Variants in TDRD12 observed in about 807,000 individuals in gnomAD.
TDRD12 encodes putative ATP-dependent RNA helicase TDRD12.
A neutral mutation model predicts 133.5 loss-of-function variants in TDRD12; 158 were observed. The observed-to-expected ratio is 1.18, with a 90% CI of 1.04 to 1.35. The LOEUF is 1.35. Ranked by LOEUF, TDRD12 falls within the 40% of genes most tolerant of loss-of-function variation. The pLI is 0.00. For missense variants in TDRD12, 1,443 were observed against 1,321.3 expected, an observed-to-expected ratio of 1.09 and a Z score of -1.43; for synonymous variants, 460 against 477.9, an observed-to-expected ratio of 0.96 and a Z score of 0.49.
intron 1 of TDRD12, among the ~76,000 whole-genome samples, chr19:32,720,997 C>T (rs1486838063): frequency 6.6e-6 from 1 of 151,930 alleles, no homozygotes; most frequent in Non-Finnish European, 1.5e-5. Context: ...TCCCCAGGGC[C>T]CCGCTCTCCG....
intron 14 of TDRD12, among the ~76,000 whole-genome samples, chr19:32,797,042 T>G (rs963916291): frequency 6.7e-6 from 1 of 150,068 alleles, no homozygotes; most frequent in Non-Finnish European, 1.5e-5. Context: ...GTGCAGTGGC[T>G]CCATCTCGGC....
chr19:32,756,834 A>G (rs967229310), intron 7 of TDRD12, among the ~76,000 whole-genome samples: 1 of 152,248 alleles, frequency 6.6e-6, no homozygotes, highest in Non-Finnish European at 1.5e-5. Flanking sequence ...GCATAAAAAT[A>G]TAAGAGCTAG....
At chr19:32,796,827 G>A (rs963949305) in intron 14 of TDRD12, among the ~76,000 whole-genome samples, 8 of 152,070 alleles carry the variant, frequency 5.3e-5, no homozygotes, top group African/African-American at 1.7e-4. Flanking sequence ...TGGAAGCTGG[G>A]CCCACCTGGA....
intron 2 of TDRD12, among the ~76,000 whole-genome samples, chr19:32,736,692 A>T (rs555018192): frequency 1.3e-5 from 2 of 152,300 alleles, no homozygotes; most frequent in Admixed American, 1.3e-4. Context: ...ATTCCCAAGG[A>T]CAGCAATCTC....
Position 32,794,617 on chromosome 19 carries a change from C to G in TDRD12, c.1288-11C>G, listed in dbSNP as rs1157082781. 1 of 698,790 alleles carries G rather than the reference C, an allele frequency of 1.4e-6. No homozygotes were observed. The highest frequency in any genetic ancestry group is 1.8e-5 in the African/African-American group (1 of 56,982). The allele number at this position is 698,790 out of a possible 1,614,324, so 43.3% of individuals were successfully genotyped here. On this transcript the variant is annotated splice_polypyrimidine_tract_variant and intron_variant, in intron 13 of 27. Coordinates refer to ENST00000444215, the Ensembl canonical transcript of TDRD12. ...ACCTTATTTTGGTTTCTGGTTGTTT[C>G]TGTTTTGTAGGCTCTTCAAAGAAAT... is the stretch of plus-strand genomic sequence containing the variant.
chr19:32,763,654 A>G (rs1970213336), intron 8 of TDRD12, among the ~76,000 whole-genome samples: 1 of 152,124 alleles, frequency 6.6e-6, no homozygotes, highest in Non-Finnish European at 1.5e-5. Context: ...TGTGGTATTC[A>G]CTGTGAGAAC....
chr19:32,751,393 G>A lies in TDRD12; in HGVS notation c.582+1524G>A, dbSNP rs374102161. Among the ~76,000 whole-genome samples, 30 of 152,238 alleles carry A rather than the reference G, an allele frequency of 2.0e-4. No individual in the cohort carries two copies. The South Asian group carries it at 6.2e-3, about 32-fold the overall frequency. ...GTGTTTGCCAGGTTTTTCCTGTACA[G>A]AGATGTTAGTTTTTCCTTCTGAAAT... On this transcript the variant is annotated intron_variant, in intron 6 of 27. Coordinates refer to ENST00000444215, the Ensembl canonical transcript of TDRD12.
chr19:32,815,370 G>A (rs969777794), intron 25 of TDRD12, 78 bp from the exon 26 acceptor site: 50 of 1,222,606 alleles, frequency 4.1e-5, no homozygotes, highest in Non-Finnish European at 5.6e-5. Context: ...GAACCAGAGA[G>A]GCCCTGTGGG....
intron 2 of TDRD12, among the ~76,000 whole-genome samples, chr19:32,733,418 C>T (rs933287527): frequency 3.3e-5 from 5 of 150,350 alleles, no homozygotes; most frequent in Admixed American, 3.3e-4. Context: ...TTCAGTGAGC[C>T]GAGATCACGC....
intron 6 of TDRD12, among the ~76,000 whole-genome samples, chr19:32,753,483 G>A (rs1259798341): frequency 6.0e-5 from 9 of 151,250 alleles, no homozygotes; most frequent in Non-Finnish European, 1.0e-4. Flanking sequence ...GACTATAAGC[G>A]CATACCACCA....
exon 25 of TDRD12, chr19:32,813,757 C>A: frequency 6.5e-7 from 1 of 1,532,826 alleles, no homozygotes. Flanking sequence ...TTGGGAAATA[C>A]AGTTTGGATT....
chr19:32,789,692 CT>C (rs1305132771), intron 11 of TDRD12, among the ~76,000 whole-genome samples: 1 of 152,186 alleles, frequency 6.6e-6, no homozygotes, highest in East Asian at 1.9e-4. Flanking sequence ...GATCTTGTGG[CT>C]TTTGCATTTG....
chr19:32,794,237 C>T (rs1971157071), intron 13 of TDRD12, among the ~76,000 whole-genome samples: 1 of 150,744 alleles, frequency 6.6e-6, no homozygotes, highest in Non-Finnish European at 1.5e-5. Context: ...TCCAGAGTAG[C>T]TGGGATTATA....
intron 4 of TDRD12, among the ~76,000 whole-genome samples, chr19:32,745,438 C>G (rs894616322): frequency 6.6e-6 from 1 of 152,206 alleles, no homozygotes; most frequent in Non-Finnish European, 1.5e-5. Flanking sequence ...TTGTCAAATT[C>G]CCCTTCAAAA....
intron 3 of TDRD12, among the ~76,000 whole-genome samples, chr19:32,739,428 G>A (rs921886324): frequency 1.3e-5 from 2 of 148,490 alleles, no homozygotes; most frequent in Non-Finnish European, 3.0e-5. Flanking sequence ...CTATCACCTG[G>A]CTACTTTCTG....
At chr19:32,748,208 A>G (rs988959815) in intron 4 of TDRD12, among the ~76,000 whole-genome samples, 1 of 152,036 alleles carries the variant, frequency 6.6e-6, no homozygotes, top group African/African-American at 2.4e-5. Flanking sequence ...GGTGTGACAG[A>G]CAGTGCAGTG....
chr19:32,734,374 C>CT lies in TDRD12; in HGVS notation c.183+2503dup, dbSNP rs916037388. Among the ~76,000 whole-genome samples, 578 of 143,098 alleles carry CT rather than the reference C, an allele frequency of 4.0e-3. 1 individual carries two copies. Among genetic ancestry groups the CT allele is most frequent in the Non-Finnish European group, 4.9e-3 (317 of 64,894 alleles). 93.9% of individuals were successfully genotyped at this position (143,098 alleles called of 152,430 possible). ...CCTCCTCCTCCTTTTCTTTTCTTTT[C>CT]TTTTTTTTTTTTGAAGATGGGGGTC... On this transcript the variant is annotated intron_variant, in intron 2 of 27. Transcript: ENST00000444215.
chr19:32,820,390 A>G lies in TDRD12; in HGVS notation c.3384-643A>G, dbSNP rs556185876. 2.5e-4 allele frequency among the ~76,000 whole-genome samples: 38 copies of G among 152,278 alleles called. 1 individual carries two copies. In the South Asian group the frequency reaches 6.0e-3, roughly 24 times the overall value. On this transcript the variant is annotated intron_variant, in intron 27 of 27. Coordinates refer to ENST00000444215, the Ensembl canonical transcript of TDRD12. ...GGAGCAGGGGTGAGAGGAGCTTTTC[A>G]GTGTACAGCCAAATTTGACTTCTTT...
Position 32,798,308 on chromosome 19 carries a change from GT to G in TDRD12, c.1632del (p.Cys544TrpfsTer3), listed in dbSNP as rs1484425101. 1.3e-6 allele frequency: 2 copies of G among 1,522,620 alleles called. No homozygotes were observed. The highest frequency in any genetic ancestry group is 2.8e-5 in the African/African-American group (2 of 72,660). 94.3% of individuals were successfully genotyped at this position (1,522,620 alleles called of 1,614,324 possible). A position where few individuals can be genotyped will look rare whatever the true frequency, so the allele number is the denominator to read the frequency against. On this transcript the variant is annotated frameshift_variant and splice_region_variant, in exon 16 of 28. Transcript: ENST00000444215. LOFTEE classifies it high-confidence loss of function. Reference sequence around the variant, plus strand: ...TGTTCACTTTTTTTTTTAAATGCAGGTGATGTGATTGTTACGACCCCATACA... The same window carrying G: ...TGTTCACTTTTTTTTTTAAATGCAGGGATGTGATTGTTACGACCCCATACA...
Sources: allele counts gnomAD v4.1 joint callset (sites outside exome capture counted in the v4.1 genomes callset), GRCh38; gene constraint gnomAD v4.1.1; transcripts MANE v1.5; gene names NCBI Gene and HGNC (gene_info 2026-07-23, HGNC 2026-07-21).